CBLB: variants seen among roughly 807,000 people sequenced by gnomAD.
CBLB encodes the protein E3 ubiquitin-protein ligase CBL-B.
In CBLB, 31 loss-of-function variants were observed where a neutral mutation model predicts 104.9. The observed-to-expected ratio is 0.30, with a 90% confidence interval of 0.22 to 0.40. The LOEUF is 0.40. CBLB is among the 10% of genes least tolerant of loss of function. The probability of loss-of-function intolerance (pLI) is 1.00; values close to 1 mark genes in which losing one functional copy is unlikely to be tolerated. For synonymous variants in CBLB, 440 were observed against 422.6 expected, an observed-to-expected ratio of 1.04 and a Z score of -0.51; for missense variants, 1,062 against 1,214.6, an observed-to-expected ratio of 0.87 and a Z score of 1.87.
At chr3:105,730,262 A>G (rs2074169438) in intron 9 of CBLB, among the ~76,000 whole-genome samples, 1 of 152,072 alleles carries the variant, frequency 6.6e-6, no homozygotes, top group Non-Finnish European at 1.5e-5. Context: ...CACAATGTAA[A>G]ATGTTAAGGA....
At chr3:105,801,181 C>G (rs2082820670) in intron 3 of CBLB, among the ~76,000 whole-genome samples, 1 of 151,970 alleles carries the variant, frequency 6.6e-6, no homozygotes, top group Non-Finnish European at 1.5e-5. Context: ...ATAAAAATAA[C>G]CTTTAACGCA....
chr3:105,681,206 A>C (rs2066276627), intron 16 of CBLB: 4 of 515,872 alleles, frequency 7.8e-6, no homozygotes, highest in Non-Finnish European at 1.4e-5. Flanking sequence ...CTAGAGCACA[A>C]AGCTCTCATG....
intron 13 of CBLB, among the ~76,000 whole-genome samples, chr3:105,691,766 G>C (rs542187348): frequency 3.6e-4 from 55 of 152,288 alleles, no homozygotes; most frequent in African/African-American, 1.3e-3. Flanking sequence ...TCCAAGAGAA[G>C]TTCCCACTGG....
At chr3:105,742,564 C>T (rs1399151033) in intron 6 of CBLB, among the ~76,000 whole-genome samples, 1 of 151,782 alleles carries the variant, frequency 6.6e-6, no homozygotes, top group Non-Finnish European at 1.5e-5. Flanking sequence ...TAAAATAATG[C>T]CACAGAGACC....
At chr3:105,764,781 A>C (rs1362631801) in intron 4 of CBLB, among the ~76,000 whole-genome samples, 1 of 152,232 alleles carries the variant, frequency 6.6e-6, no homozygotes, top group East Asian at 1.9e-4. Flanking sequence ...GGAGAAGTTC[A>C]TGAAGGAAAT....
chr3:105,765,477 C>T (rs1280629559), intron 4 of CBLB, among the ~76,000 whole-genome samples: 1 of 152,068 alleles, frequency 6.6e-6, no homozygotes. Flanking sequence ...CTTGGACTTC[C>T]TAGCCTTCAG....
At position 105,805,022 on chromosome 3, in the gene CBLB, C is replaced by A. The variant is rs376615215; in HGVS notation, c.420-28480G>T. 9.2e-5 allele frequency among the ~76,000 whole-genome samples: 14 copies of A among 152,266 alleles called. No individual in the cohort carries two copies. The South Asian group carries it at 2.9e-3, about 32-fold the overall frequency. ...CCACAGTAGTTGCTGTTTGAGAGGT[C>A]AGGCCCTTACCATCACTTATCCAAA... On this transcript the variant is annotated intron_variant, in intron 3 of 18. Transcript: ENST00000394030.
At chr3:105,732,481 G>A (rs1353310519) in intron 9 of CBLB, among the ~76,000 whole-genome samples, 1 of 152,096 alleles carries the variant, frequency 6.6e-6, no homozygotes, top group Non-Finnish European at 1.5e-5. Flanking sequence ...CAAAATATAA[G>A]CCAAATGCAT....
Position 105,657,925 on chromosome 3 carries a change from T to C in CBLB, c.*1045A>G. ...AATATGAACTGGTTCCCACAGCTCT[T>C]AGGAGATAGAGTGTAATCACTTAAA... On this transcript the variant is annotated 3_prime_UTR_variant, in exon 19 of 19. Transcript: ENST00000394030. 1 of 211,476 alleles carries C rather than the reference T, an allele frequency of 4.7e-6. No homozygotes were observed. Among genetic ancestry groups the C allele is most frequent in the East Asian group, 7.1e-5 (1 of 13,998 alleles). The allele number at this position is 211,476 out of a possible 1,614,324, so 13.1% of individuals were successfully genotyped here.
chr3:105,798,706 C>T (rs1435777097), intron 3 of CBLB, among the ~76,000 whole-genome samples: 8 of 152,166 alleles, frequency 5.3e-5, no homozygotes, highest in African/African-American at 1.9e-4. Flanking sequence ...AAGTAAACTT[C>T]CTCTTTTAAA....
chr3:105,854,679 C>G (rs2091379776), intron 2 of CBLB, among the ~76,000 whole-genome samples: 1 of 151,658 alleles, frequency 6.6e-6, no homozygotes, highest in South Asian at 2.1e-4. Flanking sequence ...GTCACCCAGG[C>G]TGGAGTGTAG....
chr3:105,661,196 T>C (rs1559716394), intron 18 of CBLB, among the ~76,000 whole-genome samples: 1 of 152,204 alleles, frequency 6.6e-6, no homozygotes, highest in Admixed American at 6.5e-5. Flanking sequence ...TATTAAAGTA[T>C]GCCCATATAT....
chr3:105,737,104 A>T, intron 8 of CBLB, 67 bp downstream of exon 8: 1 of 742,024 alleles, frequency 1.3e-6, no homozygotes, highest in Middle Eastern at 2.4e-4. Flanking sequence ...ACACTAAGAG[A>T]GTCTTATTTA....
At chr3:105,793,366 G>A (rs2081910910) in intron 3 of CBLB, among the ~76,000 whole-genome samples, 1 of 151,884 alleles carries the variant, frequency 6.6e-6, no homozygotes, top group Non-Finnish European at 1.5e-5. Context: ...ATGAACTAAG[G>A]GGCTCTGAAA....
chr3:105,687,885 T>C (rs954515569), intron 13 of CBLB, among the ~76,000 whole-genome samples: 106 of 152,010 alleles, frequency 7.0e-4, no homozygotes, highest in African/African-American at 2.4e-3. Flanking sequence ...AAAGAAGTTG[T>C]ATATAAAATA....
chr3:105,657,816 A>G lies in CBLB; in HGVS notation c.*1154T>C, dbSNP rs1329419802. 3 of 206,492 alleles carry G rather than the reference A, an allele frequency of 1.5e-5. No individual in the cohort carries two copies. Among genetic ancestry groups the G allele is most frequent in the Non-Finnish European group, 3.0e-5 (3 of 101,218 alleles). The allele number at this position is 206,492 out of a possible 1,614,324, so 12.8% of individuals were successfully genotyped here. On this transcript the variant is annotated 3_prime_UTR_variant, in exon 19 of 19. Coordinates refer to ENST00000394030, the MANE Select transcript of CBLB (RefSeq NM_170662.5). The stretch of plus-strand genomic sequence containing the variant: ...TGAACTCTAATTTGATTGCAGAGAG[A>G]AAATTACTGAGAACTTTGCAAAAAA...
chr3:105,739,808 A>T (rs1490278811), intron 7 of CBLB, among the ~76,000 whole-genome samples: 4 of 152,168 alleles, frequency 2.6e-5, no homozygotes, highest in Admixed American at 6.5e-5. Context: ...CAATCAAAAT[A>T]AAAAAAGTGA....
chr3:105,658,547 T>G lies in CBLB; in HGVS notation c.*423A>C, dbSNP rs2152657507. ...GCTGTTGATGTGGACAGCAAGAGAG[T>G]TGGTGGGAAATGTTACAGCAGACCT... On this transcript the variant is annotated 3_prime_UTR_variant, in exon 19 of 19. Coordinates refer to ENST00000394030, the MANE Select transcript of CBLB (RefSeq NM_170662.5). 3.9e-6 allele frequency: 1 copy of G among 253,906 alleles called. No homozygotes were observed. Among genetic ancestry groups the G allele is most frequent in the East Asian group, 5.6e-5 (1 of 17,774 alleles). 15.7% of individuals were successfully genotyped at this position (253,906 alleles called of 1,614,324 possible). A position where few individuals can be genotyped will look rare whatever the true frequency, so the allele number is the denominator to read the frequency against.
chr3:105,670,317 A>G lies in CBLB; in HGVS notation c.2605T>C (p.Leu869=), dbSNP rs765353367. ...CCTGGTAACCTTCTAGCAGGAGGCA[A>G]AGGAACTTGGCCACTTGCTAGATCA... ...FVDLASGQVP[L]PPARRLPGEN... Residue 869 remains leucine, a synonymous_variant, in exon 18 of 19, where the codon TTG becomes CTG. Coordinates refer to ENST00000394030, the MANE Select transcript of CBLB (RefSeq NM_170662.5). 6.2e-7 allele frequency: 1 copy of G among 1,611,464 alleles called. No homozygotes were observed. The highest frequency in any genetic ancestry group is 8.5e-7 in the Non-Finnish European group (1 of 1,177,822).
Sources: allele counts gnomAD v4.1 joint callset (sites outside exome capture counted in the v4.1 genomes callset), GRCh38; gene constraint gnomAD v4.1.1; transcripts MANE v1.5; gene names NCBI Gene and HGNC (gene_info 2026-07-23, HGNC 2026-07-21).